The following COL5A2 variants were observed in gnomAD, a reference collection of about 807,000 sequenced individuals.
The protein encoded by COL5A2 is collagen type V alpha 2 chain.
A neutral mutation model predicts 208.2 loss-of-function variants in COL5A2; 23 were observed. That is an observed-to-expected ratio of 0.11 (90% CI 0.08 to 0.16). The LOEUF is 0.16. COL5A2 is among the 10% of genes least tolerant of loss of function. The probability of loss-of-function intolerance (pLI) is 1.00; values close to 1 mark genes in which losing one functional copy is unlikely to be tolerated. For synonymous variants in COL5A2, 625 were observed against 628.5 expected, an observed-to-expected ratio of 0.99 and a Z score of 0.08; for missense variants, 1,590 against 1,956.4, an observed-to-expected ratio of 0.81 and a Z score of 3.53.
At chr2:189,232,870 C>A in the COL5A2 span, among the ~76,000 whole-genome samples, 4 of 151,562 alleles carry the variant, frequency 2.6e-5, no homozygotes, top group Non-Finnish European at 5.9e-5. Context: ...AACTTCCCAG[C>A]CTTGAGAACT....
chr2:189,120,231 ATT>A (rs34873681), intron 1 of COL5A2, among the ~76,000 whole-genome samples: 1 of 152,110 alleles, frequency 6.6e-6, no homozygotes, highest in Non-Finnish European at 1.5e-5. Flanking sequence ...AAGATAATGA[ATT>A]TTTTGTAGAA....
At chr2:189,064,168 G>A in intron 25 of COL5A2, 135 bp from the exon 26 acceptor site, 1 of 717,444 alleles carries the variant, frequency 1.4e-6, no homozygotes. Context: ...ATTTTTAAGT[G>A]ATGTATTGTT....
intron 1 of COL5A2, among the ~76,000 whole-genome samples, chr2:189,126,008 C>A (rs986998056): frequency 5.9e-5 from 9 of 152,016 alleles, no homozygotes; most frequent in African/African-American, 1.9e-4. Context: ...ATAACCCTCT[C>A]CCAGCCATGA....
chr2:189,088,229 G>C (rs1049073646), intron 8 of COL5A2, among the ~76,000 whole-genome samples: 1 of 152,160 alleles, frequency 6.6e-6, no homozygotes, highest in Non-Finnish European at 1.5e-5. Context: ...ATATTGAGAA[G>C]ACTCAGCCAG....
intron 1 of COL5A2, among the ~76,000 whole-genome samples, chr2:189,213,782 T>TA (rs1263433909): frequency 2.0e-5 from 3 of 152,204 alleles, no homozygotes; most frequent in Non-Finnish European, 4.4e-5. Context: ...AAGGGATTGA[T>TA]ACAAAAGTAA....
At chr2:189,087,998 G>C (rs1686701868) in intron 8 of COL5A2, among the ~76,000 whole-genome samples, 1 of 152,120 alleles carries the variant, frequency 6.6e-6, no homozygotes, top group Non-Finnish European at 1.5e-5. Flanking sequence ...TGGCCTTAAG[G>C]ATGGATAGAA....
In COL5A2 at chr2:189,051,337, C is replaced by T; in HGVS notation, c.2914G>A (p.Gly972Arg). 6.2e-7 allele frequency: 1 copy of T among 1,614,118 alleles called. No homozygotes were observed. The highest frequency in any genetic ancestry group is 8.5e-7 in the Non-Finnish European group (1 of 1,179,988). Residue 972 changes from glycine (G) to arginine (R), a missense_variant, in exon 42 of 54, where the codon GGA becomes AGA. Coordinates refer to ENST00000374866, the MANE Select transcript of COL5A2 (RefSeq NM_000393.5). ...PGGPGDKGDP[G>R]EDGQPGPDGP... ...AAACTTACAGGTTGCCCATCTTCTCCTGGGTCCCCTTTGTCTCCTGGGCCA... is the reference window on the plus strand; with the variant it reads ...AAACTTACAGGTTGCCCATCTTCTCTTGGGTCCCCTTTGTCTCCTGGGCCA...
the COL5A2 span, among the ~76,000 whole-genome samples, chr2:189,308,594 C>T: frequency 6.6e-6 from 1 of 152,080 alleles, no homozygotes; most frequent in African/African-American, 2.4e-5. Flanking sequence ...CTGATAAGAC[C>T]TCTGAAGCTG....
chr2:189,191,163 C>CAAAAAAAAAAAAAAAAAAAAAAAA (rs1553526772), intron 1 of COL5A2, among the ~76,000 whole-genome samples: 3 of 72,266 alleles, frequency 4.2e-5, no homozygotes, highest in Non-Finnish European at 6.2e-5. Flanking sequence ...AAAAAACAAA[C>CAAAAAAAAAAAAAAAAAAAAAAAA]AAACAACAAA....
At chr2:189,352,733 T>C in the COL5A2 span, among the ~76,000 whole-genome samples, 1 of 152,228 alleles carries the variant, frequency 6.6e-6, no homozygotes, top group Non-Finnish European at 1.5e-5. Flanking sequence ...TCTCATTCTG[T>C]AGGTTGCCTG....
At chr2:189,245,579 G>T in the COL5A2 span, among the ~76,000 whole-genome samples, 1 of 150,942 alleles carries the variant, frequency 6.6e-6, no homozygotes, top group East Asian at 2.0e-4. Context: ...CCGCCTCCCG[G>T]GTTCACGCCA....
At chr2:189,066,930 T>C (rs1686167739) in intron 21 of COL5A2, 148 bp from the exon 22 acceptor site, 2 of 659,158 alleles carry the variant, frequency 3.0e-6, no homozygotes, top group Non-Finnish European at 2.7e-6. Flanking sequence ...TTTAAATGAA[T>C]GCATGTGAAT....
At chr2:189,435,345 G>C in the COL5A2 span, among the ~76,000 whole-genome samples, 1 of 152,146 alleles carries the variant, frequency 6.6e-6, no homozygotes, top group African/African-American at 2.4e-5. Context: ...TTAAACTAAA[G>C]AGCTTCTGCA....
At chr2:189,104,151 A>ATGGTACTT in intron 3 of COL5A2, 113 bp downstream of exon 3, 2 of 794,830 alleles carry the variant, frequency 2.5e-6, no homozygotes, top group Non-Finnish European at 4.5e-6. Flanking sequence ...ATGTATTTGT[A>ATGGTACTT]TGGTACTTTG....
intron 6 of COL5A2, among the ~76,000 whole-genome samples, chr2:189,094,150 T>G (rs1462066654): frequency 1.3e-5 from 2 of 152,184 alleles, no homozygotes; most frequent in Admixed American, 6.5e-5. Flanking sequence ...CTAAGATTGT[T>G]TTCATTGACT....
At chr2:189,049,565 T>A (rs1352569361) in intron 43 of COL5A2, 111 bp from the exon 44 acceptor site, 5 of 807,814 alleles carry the variant, frequency 6.2e-6, no homozygotes, top group Non-Finnish European at 1.0e-5. Context: ...ATAATAATAA[T>A]TTTGCATTAT....
chr2:189,034,875 T>C (rs1685411589), intron 53 of COL5A2, 41 bp downstream of exon 53: 26 of 1,612,902 alleles, frequency 1.6e-5, no homozygotes, highest in Non-Finnish European at 2.0e-5. Context: ...AAAATAATTT[T>C]TTTTCCTCAA....
chr2:189,057,596 T>C (rs1489256893), intron 33 of COL5A2, among the ~76,000 whole-genome samples, 169 bp from the exon 34 acceptor site: 1 of 152,204 alleles, frequency 6.6e-6, no homozygotes, highest in Admixed American at 6.5e-5. Context: ...ATTTTGAAAT[T>C]AAAAAAACCA....
At chr2:189,293,818 G>GC in the COL5A2 span, among the ~76,000 whole-genome samples, 1 of 152,160 alleles carries the variant, frequency 6.6e-6, no homozygotes, top group Non-Finnish European at 1.5e-5. Flanking sequence ...AGGAGCGGTG[G>GC]CTCATGCCTG....
Sources: gnomAD v4.1 joint callset for allele counts (sites outside exome capture counted in the v4.1 genomes callset) on GRCh38, gnomAD v4.1.1 for gene constraint, MANE v1.5 for transcripts, NCBI Gene and HGNC (gene_info 2026-07-23, HGNC 2026-07-21) for gene names.